KIF4A: variants seen among roughly 807,000 people sequenced by gnomAD.
The protein encoded by KIF4A is chromosome-associated kinesin KIF4A.
A neutral mutation model predicts 105.9 loss-of-function variants in KIF4A; 7 were observed. The ratio of observed to expected loss-of-function variants is 0.07; its 90% CI spans 0.04 to 0.12. The LOEUF is 0.12. Ranked by LOEUF, KIF4A falls within the 10% of genes least tolerant of loss-of-function variation. The pLI is 1.00. For missense variants in KIF4A, 558 were observed against 929.2 expected (o/e 0.60, Z 5.19); for synonymous variants, 281 against 331.3 (o/e 0.85, Z 1.65).
intron 28 of KIF4A, among the ~76,000 whole-genome samples, chrX:70,407,855 G>A (rs909462824): frequency 1.8e-5 from 2 of 111,990 alleles, no homozygotes; most frequent in Non-Finnish European, 3.8e-5. Context: ...ATCACCTGAG[G>A]TCGGGAGTTC....
chrX:70,344,620 G>A (rs1250566068), intron 13 of KIF4A, among the ~76,000 whole-genome samples: 6 of 111,016 alleles, frequency 5.4e-5, no homozygotes, highest in African/African-American at 2.0e-4. Flanking sequence ...CATTGAAATC[G>A]TACTATAACA....
In KIF4A at chrX:70,290,137, G is replaced by A. The variant is rs752511560; in HGVS notation, c.-35G>A. On this transcript the variant is annotated 5_prime_UTR_variant, in exon 1 of 31. Coordinates refer to ENST00000374403, the MANE Select transcript of KIF4A (RefSeq NM_012310.5). Reference sequence around the variant, plus strand: ...GGGAGGCCCAGGGAGAACGGGGAAGGGACATTTAGTTTGGTGAGTTACGGG... The same window carrying A: ...GGGAGGCCCAGGGAGAACGGGGAAGAGACATTTAGTTTGGTGAGTTACGGG... The A allele has an allele frequency of 2.4e-4, 46 of 194,466 alleles. No homozygotes were observed. The highest frequency in any genetic ancestry group is 1.3e-3 in the African/African-American group (45 of 34,138). 16.0% of individuals were successfully genotyped at this position (194,466 alleles called of 1,213,427 possible).
chrX:70,323,775 A>T (rs979360717), intron 7 of KIF4A, among the ~76,000 whole-genome samples: 2 of 109,698 alleles, frequency 1.8e-5, no homozygotes, highest in Non-Finnish European at 3.8e-5. Flanking sequence ...CTTCCTCCTA[A>T]CTACTTCAGC....
chrX:70,365,105 T>A (rs2086095826), intron 15 of KIF4A, among the ~76,000 whole-genome samples: 1 of 112,175 alleles, frequency 8.9e-6, no homozygotes, highest in Admixed American at 9.5e-5. Context: ...ATCCTGAGAC[T>A]TTGCTGAAGT....
intron 28 of KIF4A, among the ~76,000 whole-genome samples, chrX:70,417,579 G>A (rs1239712504): frequency 2.7e-5 from 3 of 111,767 alleles, no homozygotes; most frequent in Non-Finnish European, 5.6e-5. Flanking sequence ...CCTGGGAGGC[G>A]GAGGTTGCAG....
At chrX:70,380,052 C>T (rs746560610) in intron 18 of KIF4A, among the ~76,000 whole-genome samples, 35 of 111,886 alleles carry the variant, frequency 3.1e-4, no homozygotes, top group Non-Finnish European at 9.4e-5. Flanking sequence ...CCTGTAATCT[C>T]AGCACTTTGG....
At chrX:70,291,235 A>G (rs2085759188) in intron 3 of KIF4A, among the ~76,000 whole-genome samples, 1 of 111,271 alleles carries the variant, frequency 9.0e-6, no homozygotes, top group African/African-American at 3.3e-5. Flanking sequence ...TTTTGAATAT[A>G]TAAAAATTTT....
intron 22 of KIF4A, among the ~76,000 whole-genome samples, chrX:70,397,765 G>A (rs1429735101): frequency 1.8e-5 from 2 of 111,983 alleles, no homozygotes; most frequent in African/African-American, 6.5e-5. Flanking sequence ...TTTATCTTGG[G>A]ATACATCTAT....
At chrX:70,358,284 G>GTT (rs77894523) in intron 15 of KIF4A, among the ~76,000 whole-genome samples, 1 of 109,226 alleles carries the variant, frequency 9.2e-6, no homozygotes, top group Non-Finnish European at 1.9e-5. Context: ...TTTCTGGGCG[G>GTT]TTTTTTTCCT....
chrX:70,404,692 CA>C (rs762139126), intron 24 of KIF4A, 22 bp from the exon 25 acceptor site: 36 of 1,118,907 alleles, frequency 3.2e-5, no homozygotes, highest in Non-Finnish European at 4.4e-5. Flanking sequence ...TGTTACCACC[CA>C]TTGGATCGTG....
rs1390194573 is a variant in KIF4A at position 70,405,084 on chromosome X, G to A, written c.2898+262G>A. Among the ~76,000 whole-genome samples, 3 of 110,960 alleles carry A rather than the reference G, an allele frequency of 2.7e-5. No individual in the cohort carries two copies. In the South Asian group the frequency reaches 1.2e-3, roughly 43 times the overall value. ...ACTCTGAGGCCTTGTGGTTCTTGGC[G>A]TCAACCCTGAGCTCTAAAGAGTTGA... On this transcript the variant is annotated intron_variant, in intron 25 of 30. Transcript: ENST00000374403.
chrX:70,333,907 G>A (rs2085940757), intron 10 of KIF4A, among the ~76,000 whole-genome samples: 1 of 111,717 alleles, frequency 9.0e-6, no homozygotes, highest in Admixed American at 9.4e-5. Flanking sequence ...TCTATTGTGA[G>A]GAAGAGCTGT....
At position 70,302,049 on chromosome X, in the gene KIF4A, A is replaced by C; in HGVS notation, c.666A>C (p.Gln222His). The C allele has an allele frequency of 3.3e-6, 4 of 1,210,855 alleles. No homozygotes were observed. The highest frequency in any genetic ancestry group is 4.5e-6 in the Non-Finnish European group (4 of 895,165). ...CCATCTTTACAATCTCCTTAGAGCA[A>C]AGAAAGAAAAGTGACAAGTAAGTTA... ...SHAIFTISLEQRKKSDKNSSF... is the reference protein window; with the variant it reads ...SHAIFTISLEHRKKSDKNSSF... Residue 222 changes from glutamine (Q) to histidine (H), a missense_variant, in exon 6 of 31, where the codon CAA becomes CAC. Coordinates refer to ENST00000374403, the MANE Select transcript of KIF4A (RefSeq NM_012310.5).
At chrX:70,329,551 G>A in intron 8 of KIF4A, 30 bp downstream of exon 8, 1 of 1,111,257 alleles carries the variant, frequency 9.0e-7, no homozygotes, top group Non-Finnish European at 1.2e-6. Context: ...AAAAATAAGA[G>A]AGTAACTCAA....
chrX:70,323,984 C>T (rs918031989), intron 7 of KIF4A, among the ~76,000 whole-genome samples: 4 of 110,387 alleles, frequency 3.6e-5, no homozygotes, highest in African/African-American at 6.6e-5. Context: ...TGCACCATCA[C>T]GCCTGGCTAA....
intron 28 of KIF4A, chrX:70,415,607 C>CAAAA (rs59326448): frequency 2.5e-5 from 2 of 80,564 alleles, no homozygotes; most frequent in Non-Finnish European, 4.6e-5. Context: ...ACCCTGTCTC[C>CAAAA]AAAAAAAAAA....
chrX:70,355,659 T>G (rs2086047900), intron 15 of KIF4A, among the ~76,000 whole-genome samples: 1 of 111,220 alleles, frequency 9.0e-6, no homozygotes, highest in Non-Finnish European at 1.9e-5. Context: ...AAGCCCAGCC[T>G]TAGGGGTACC....
At chrX:70,366,470 A>G (rs1026151355) in intron 15 of KIF4A, among the ~76,000 whole-genome samples, 4 of 112,221 alleles carry the variant, frequency 3.6e-5, no homozygotes, top group South Asian at 3.7e-4. Context: ...CATTGGTTTC[A>G]AAGAACATCT....
At chrX:70,402,770 T>C in intron 23 of KIF4A, 75 bp downstream of exon 23, 1 of 1,101,831 alleles carries the variant, frequency 9.1e-7, no homozygotes, top group Admixed American at 2.6e-5. Context: ...TGAAATATTG[T>C]CAAAGTGTTA....
Sources: gnomAD v4.1 joint callset for allele counts (sites outside exome capture counted in the v4.1 genomes callset) on GRCh38, gnomAD v4.1.1 for gene constraint, MANE v1.5 for transcripts, NCBI Gene and HGNC (gene_info 2026-07-23, HGNC 2026-07-21) for gene names.